Variants in TTPAL observed in about 807,000 individuals in gnomAD.
TTPAL encodes the protein alpha tocopherol transfer protein like, also known as alpha-tocopherol transfer protein-like.
Under a neutral mutation model 28.7 loss-of-function variants are expected in TTPAL, and 21 were observed. The observed-to-expected ratio is 0.73, with a 90% CI of 0.52 to 1.06. The LOEUF is 1.06. Among genes scored for constraint, TTPAL ranks in the 50% least tolerant of loss-of-function variants. The probability of loss-of-function intolerance (pLI) is 0.00; values close to 1 mark genes in which losing one functional copy is unlikely to be tolerated. For missense variants in TTPAL, 345 were observed against 425.5 expected, an observed-to-expected ratio of 0.81 and a Z score of 1.67; for synonymous variants, 169 against 171.9, an observed-to-expected ratio of 0.98 and a Z score of 0.13.
Position 44,492,341 on chromosome 20 carries a change from C to G in TTPAL, c.*2800C>G, listed in dbSNP as rs1390351283. On this transcript the variant is annotated 3_prime_UTR_variant, in exon 5 of 5. Coordinates refer to ENST00000262605, the MANE Select transcript of TTPAL (RefSeq NM_001039199.3). Reference sequence around the variant, plus strand: ...TGTTCCTTCAGGGAGAAGTTCTGGCCCATTGCACAAACACTTGGAAATTAA... The same window carrying G: ...TGTTCCTTCAGGGAGAAGTTCTGGCGCATTGCACAAACACTTGGAAATTAA... 1 of 152,296 alleles carries G rather than the reference C, an allele frequency of 6.6e-6. No individual in the cohort carries two copies. The highest frequency in any genetic ancestry group is 1.5e-5 in the Non-Finnish European group (1 of 68,046). 9.4% of individuals were successfully genotyped at this position (152,296 alleles called of 1,614,324 possible).
In TTPAL at chr20:44,480,091, A is replaced by C. The variant is rs1229000144; in HGVS notation, c.92A>C (p.Tyr31Ser). 1 of 1,614,176 alleles carries C rather than the reference A, an allele frequency of 6.2e-7. No individual in the cohort carries two copies. Among genetic ancestry groups the C allele is most frequent in the South Asian group, 1.1e-5 (1 of 91,082 alleles). Residue 31 changes from tyrosine to serine, a missense_variant, in exon 2 of 5, where the codon TAT (tyrosine) becomes TCT (serine). Transcript: ENST00000262605. This position sits in a 1 kb window ranked among gnomAD's most constrained non-coding sequence, Gnocchi z 4.1. Reference protein sequence around the residue: ...ELPPPPEPPGYVCSLTEDLVT... With the variant: ...ELPPPPEPPGSVCSLTEDLVT... ...CCACCACCACCTGAGCCTCCGGGCT[A>C]TGTGTGCTCACTGACAGAAGACCTG...
At chr20:44,488,579 A>T (rs2064173993) in intron 4 of TTPAL, among the ~76,000 whole-genome samples, 1 of 152,170 alleles carries the variant, frequency 6.6e-6, no homozygotes, top group African/African-American at 2.4e-5. Flanking sequence ...AGAAAAGTAT[A>T]GCGTGTGTGA....
Position 44,494,185 on chromosome 20 carries a change from G to A in TTPAL, c.*4644G>A, listed in dbSNP as rs1261195745. On this transcript the variant is annotated 3_prime_UTR_variant, in exon 5 of 5. Coordinates refer to ENST00000262605, the MANE Select transcript of TTPAL (RefSeq NM_001039199.3). ...TGGAGATGATAGTGATGAAATTCCT[G>A]TTTCATGGGGCTGTTTTTCTTTTCA... 2.0e-5 allele frequency: 3 copies of A among 152,396 alleles called. No individual in the cohort carries two copies. Among genetic ancestry groups the A allele is most frequent in the African/African-American group, 7.2e-5 (3 of 41,436 alleles). The allele number at this position is 152,396 out of a possible 1,614,324, so 9.4% of individuals were successfully genotyped here.
chr20:44,483,685 A>G (rs1297331269), intron 2 of TTPAL, among the ~76,000 whole-genome samples: 1 of 152,194 alleles, frequency 6.6e-6, no homozygotes, highest in Non-Finnish European at 1.5e-5. Context: ...AGGCATTATC[A>G]CCCTATTCTA....
chr20:44,481,775 C>T (rs949732733), intron 2 of TTPAL, among the ~76,000 whole-genome samples: 8 of 152,158 alleles, frequency 5.3e-5, no homozygotes, highest in Non-Finnish European at 1.0e-4. Context: ...TATGTATGTA[C>T]CAAGACCACT....
In TTPAL at chr20:44,486,582, C is replaced by T. The variant is rs778599393; in HGVS notation, c.640-14C>T. 1.3e-6 allele frequency: 2 copies of T among 1,535,768 alleles called. No homozygotes were observed. Among genetic ancestry groups the T allele is most frequent in the East Asian group, 2.2e-5 (1 of 44,500 alleles). On this transcript the variant is annotated splice_polypyrimidine_tract_variant and intron_variant, in intron 3 of 4. Transcript: ENST00000262605. ...TCTCCAGATGTTCTAAACCCCTTTG[C>T]CTTTCCCACACAGGATGGTTTCCCC... is the stretch of plus-strand genomic sequence containing the variant.
Position 44,489,233 on chromosome 20 carries a change from C to G in TTPAL, c.751-30C>G, listed in dbSNP as rs769655931. On this transcript the variant is annotated intron_variant, in intron 4 of 4. Coordinates refer to ENST00000262605, the MANE Select transcript of TTPAL (RefSeq NM_001039199.3). ...TCTGCATTCCTGATTAACCTAAGGA[C>G]ATGTGTGTTTTCATTTCATTCCCTT... is the stretch of plus-strand genomic sequence containing the variant. The G allele has an allele frequency of 4.4e-6, 7 of 1,600,378 alleles. No individual in the cohort carries two copies. The East Asian group carries it at 1.6e-4, about 36-fold the overall frequency.
chr20:44,484,605 C>A, intron 3 of TTPAL, 75 bp downstream of exon 3: 3 of 1,156,894 alleles, frequency 2.6e-6, no homozygotes, highest in Non-Finnish European at 3.7e-6. Context: ...TACTGTGGGT[C>A]TCACATGATA....
intron 1 of TTPAL, 64 bp from the exon 2 acceptor site, chr20:44,479,921 C>T: frequency 7.2e-7 from 1 of 1,389,094 alleles, no homozygotes; most frequent in East Asian, 2.3e-5. Flanking sequence ...GTCCCCTACA[C>T]TGTACTGCCC....
chr20:44,492,373 C>T lies in TTPAL; in HGVS notation c.*2832C>T, dbSNP rs1164241021. The T allele has an allele frequency of 6.6e-6, 1 of 152,296 alleles. No homozygotes were observed. Among genetic ancestry groups the T allele is most frequent in the Non-Finnish European group, 1.5e-5 (1 of 68,044 alleles). 9.4% of individuals were successfully genotyped at this position (152,296 alleles called of 1,614,324 possible). ...ACAAACACTTGGAAATTAACTTTTC[C>T]CTAAATTCAAGATAGTGTGGTGTCG... On this transcript the variant is annotated 3_prime_UTR_variant, in exon 5 of 5. Transcript: ENST00000262605.
intron 4 of TTPAL, among the ~76,000 whole-genome samples, chr20:44,487,848 A>C (rs2064166401): frequency 6.6e-6 from 1 of 152,198 alleles, no homozygotes; most frequent in Non-Finnish European, 1.5e-5. Flanking sequence ...AGCTCACTGC[A>C]ACCCCTACCT....
chr20:44,488,442 C>T (rs76254236), intron 4 of TTPAL, among the ~76,000 whole-genome samples: 2,898 of 152,188 alleles, frequency 0.019, 93 homozygotes, highest in African/African-American at 0.066. Flanking sequence ...ACTCTATGTA[C>T]AAGCATGTTC....
At chr20:44,476,576 G>C (rs2064046014) in intron 1 of TTPAL, among the ~76,000 whole-genome samples, 1 of 152,244 alleles carries the variant, frequency 6.6e-6, no homozygotes, top group African/African-American at 2.4e-5. Context: ...TGGCAGACAA[G>C]CCCTCTGCCC....
At position 44,489,293 on chromosome 20, in the gene TTPAL, C is replaced by A. The variant is rs1199866495; in HGVS notation, c.781C>A (p.Leu261Ile). ...FFLHGSDLNS[L>I]HTNLPRSILP... ...CCTCCATGGGTCTGACTTGAACTCT[C>A]TCCACACAAACCTTCCAAGAAGCAT... The change falls in exon 5 of 5, where the codon CTC becomes ATC. Residue 261 changes from leucine to isoleucine, a missense_variant. Leu to Ile is a conservative substitution (Grantham distance 5). Transcript: ENST00000262605. 6.2e-7 allele frequency: 1 copy of A among 1,614,068 alleles called. No homozygotes were observed. Among genetic ancestry groups the A allele is most frequent in the Non-Finnish European group, 8.5e-7 (1 of 1,180,036 alleles).
rs1335887126 is a variant in TTPAL, at chr20:44,480,792, T to A, written c.445+348T>A. The stretch of plus-strand genomic sequence containing the variant: ...CAGCCACACATTTCTGCCTTTTGCA[T>A]ATCTTCTTCACACTTTTTCTGTGTA... On this transcript the variant is annotated intron_variant, in intron 2 of 4. Transcript: ENST00000262605. This position sits in a 1 kb window ranked among gnomAD's most constrained non-coding sequence, Gnocchi z 4.1. Among the ~76,000 whole-genome samples the A allele has an allele frequency of 6.6e-6, 1 of 152,200 alleles. No individual in the cohort carries two copies. The highest frequency in any genetic ancestry group is 1.5e-5 in the Non-Finnish European group (1 of 68,046).
rs775061928 is a variant in TTPAL at position 44,480,392 on chromosome 20, C to T, written c.393C>T (p.Thr131=). Residue 131 remains threonine, a synonymous_variant, in exon 2 of 5, where the codon ACC becomes ACT. Transcript: ENST00000262605. The surrounding 1 kb of genome is among the most constrained non-coding windows in gnomAD (Gnocchi z 4.1). ...ATGTCCTTGCTTCCGGGTTCCTCAC[C>T]GTGCTGCCCCACACTGACCCCAGGG... The part of the protein sequence containing the change: ...LKDVLASGFL[T]VLPHTDPRGC... The T allele has an allele frequency of 9.3e-6, 15 of 1,613,566 alleles. No individual in the cohort carries two copies. Among genetic ancestry groups the T allele is most frequent in the South Asian group, 4.4e-5 (4 of 91,052 alleles).
intron 3 of TTPAL, 125 bp from the exon 4 acceptor site, chr20:44,486,471 C>CA (rs1458668732): frequency 4.6e-6 from 3 of 649,490 alleles, no homozygotes; most frequent in Non-Finnish European, 8.2e-6. Flanking sequence ...CGTGGACTGT[C>CA]ATTGAGGAGG....
At position 44,489,778 on chromosome 20, in the gene TTPAL, C is replaced by A; in HGVS notation, c.*237C>A. ...ATTCTTAAACATTTGGAATCCCAGT[C>A]TGCAACTATTAATCTGGAGGCTATA... On this transcript the variant is annotated 3_prime_UTR_variant, in exon 5 of 5. Coordinates refer to ENST00000262605, the MANE Select transcript of TTPAL (RefSeq NM_001039199.3). 1 of 519,130 alleles carries A rather than the reference C, an allele frequency of 1.9e-6. No individual in the cohort carries two copies. Among genetic ancestry groups the A allele is most frequent in the Non-Finnish European group, 3.4e-6 (1 of 295,400 alleles). 32.2% of individuals were successfully genotyped at this position (519,130 alleles called of 1,614,324 possible). A position where few individuals can be genotyped will look rare whatever the true frequency, so the allele number is the denominator to read the frequency against.
rs564134142 is a variant in TTPAL at position 44,487,248 on chromosome 20, C to T, written c.750+542C>T. Among the ~76,000 whole-genome samples, 5 of 151,446 alleles carry T rather than the reference C, an allele frequency of 3.3e-5. No homozygotes were observed. In the South Asian group the frequency reaches 8.4e-4, roughly 25 times the overall value. On this transcript the variant is annotated intron_variant, in intron 4 of 4. Transcript: ENST00000262605. ...AGTGAGCCAAGATCATGCCGCTGCA[C>T]TCCAGCTTGGGCAACAGTGAGACTG...
Sources: gnomAD v4.1 joint callset for allele counts (sites outside exome capture counted in the v4.1 genomes callset) on GRCh38, gnomAD v4.1.1 for gene constraint, Gnocchi (gnomAD v3.1) non-coding constraint, MANE v1.5 for transcripts, NCBI Gene and HGNC (gene_info 2026-07-23, HGNC 2026-07-21) for gene names.